Variants in MPDZ observed in about 807,000 individuals in gnomAD.
MPDZ encodes multiple PDZ domain protein.
Under a neutral mutation model 239.1 loss-of-function variants are expected in MPDZ, and 234 were observed. The observed-to-expected ratio is 0.98, with a 90% CI of 0.88 to 1.09. The LOEUF is 1.09. MPDZ is among the 50% of genes least tolerant of loss of function. The pLI, the probability that MPDZ is intolerant of heterozygous loss-of-function variation, is 0.00. For synonymous variants in MPDZ, 1,048 were observed against 881.3 expected, an observed-to-expected ratio of 1.19 and a Z score of -3.35; for missense variants, 3,175 against 2,510.0, an observed-to-expected ratio of 1.26 and a Z score of -5.66.
intron 1 of MPDZ, among the ~76,000 whole-genome samples, chr9:13,258,208 G>A (rs921932215): frequency 2.6e-5 from 4 of 152,206 alleles, no homozygotes; most frequent in African/African-American, 9.6e-5. Context: ...CTTTTACGAA[G>A]TAGAGAATCA....
Position 13,175,821 on chromosome 9 carries a change from T to C in MPDZ, c.2986A>G (p.Met996Val), listed in dbSNP as rs371781743. 5.7e-6 allele frequency: 9 copies of C among 1,589,680 alleles called. No homozygotes were observed. Among genetic ancestry groups the C allele is most frequent in the African/African-American group, 5.4e-5 (4 of 74,616 alleles). The change falls in exon 21 of 47, where the codon ATG (methionine) becomes GTG (valine). Residue 996 changes from methionine to valine, a missense_variant. Physicochemically the swap from Met to Val is conservative, Grantham distance 21 (BLOSUM62 1). Coordinates refer to ENST00000319217, the MANE Select transcript of MPDZ (RefSeq NM_001378778.1). ...GATTCTTTAGATACATTTTGAAGCA[T>C]GACACACTCAGCATTACAGGCCAGG... ...SSLACNAECV[M>V]LQNVSKESFE...
intron 10 of MPDZ, among the ~76,000 whole-genome samples, chr9:13,210,236 G>A (rs1271528393): frequency 6.6e-6 from 1 of 152,080 alleles, no homozygotes; most frequent in African/African-American, 2.4e-5. Flanking sequence ...TATACTTAGT[G>A]TGATGTATGA....
rs1480964623 is a variant in MPDZ, at chr9:13,140,141, A to T, written c.3849T>A (p.Ser1283Arg). ...SLQINADKAP[S>R]QSESEPEKAP... is the part of the protein sequence containing the mutation. ...CCTTCTCTGGCTCTGACTCTGACTG[A>T]CTGGGTGCCTGTGGGAACAAAAAGA... The change falls in exon 28 of 47, where the codon AGT (serine) becomes AGA (arginine). Residue 1283 changes from serine (S) to arginine (R), a missense_variant. By Grantham distance (110) the Ser-to-Arg change is moderately radical. Coordinates refer to ENST00000319217, the MANE Select transcript of MPDZ (RefSeq NM_001378778.1). The T allele has an allele frequency of 6.2e-7, 1 of 1,613,074 alleles. No individual in the cohort carries two copies. Among genetic ancestry groups the T allele is most frequent in the East Asian group, 2.2e-5 (1 of 44,708 alleles).
intron 12 of MPDZ, among the ~76,000 whole-genome samples, chr9:13,203,495 ATTTAAAAATCATAAAG>A (rs764663066): frequency 1.4e-4 from 21 of 152,226 alleles, no homozygotes; most frequent in Non-Finnish European, 2.9e-4. Context: ...TCAGGCATAT[ATTTAAAAATCATAAAG>A]TCTAAACCTC....
In MPDZ at chr9:13,150,573, C is replaced by T. The variant is rs753540040; in HGVS notation, c.3568G>A (p.Val1190Ile). 13 of 1,566,626 alleles carry T rather than the reference C, an allele frequency of 8.3e-6. No individual in the cohort carries two copies. The Admixed American group carries it at 2.3e-4, about 28-fold the overall frequency. ...TTGCCAGCTGGACTATCTTCCAGAA[C>T]ATGTTTGATGAAAATGCCCCTCATC... ...EVMRGIFIKH[V>I]LEDSPAGKNG... is the part of the protein sequence containing the mutation. Residue 1190 changes from valine to isoleucine, a missense_variant, in exon 25 of 47, where the codon GTT (valine) becomes ATT (isoleucine). Transcript: ENST00000319217.
intron 1 of MPDZ, among the ~76,000 whole-genome samples, chr9:13,272,969 G>A (rs1457383485): frequency 2.6e-5 from 4 of 152,092 alleles, no homozygotes; most frequent in Non-Finnish European, 5.9e-5. Flanking sequence ...ATTAGGGGGT[G>A]GGGTCTTTGG....
intron 39 of MPDZ, among the ~76,000 whole-genome samples, chr9:13,116,311 T>C (rs910272950): frequency 6.6e-6 from 1 of 152,214 alleles, no homozygotes; most frequent in Non-Finnish European, 1.5e-5. Flanking sequence ...ATGTTTAACC[T>C]TAATAAATCT....
At chr9:13,227,916 A>G (rs1237178979) in intron 3 of MPDZ, among the ~76,000 whole-genome samples, 3 of 152,170 alleles carry the variant, frequency 2.0e-5, no homozygotes, top group Admixed American at 1.3e-4. Flanking sequence ...ATTTATACTC[A>G]TAAGAAAAAG....
chr9:13,251,104 G>C (rs539443321), intron 1 of MPDZ, among the ~76,000 whole-genome samples: 1 of 142,800 alleles, frequency 7.0e-6, no homozygotes, highest in Non-Finnish European at 1.5e-5. Flanking sequence ...ACTCCAGCCT[G>C]GGCCACAGAA....
intron 21 of MPDZ, among the ~76,000 whole-genome samples, chr9:13,170,405 T>G (rs1951641735): frequency 1.3e-5 from 2 of 152,166 alleles, no homozygotes; most frequent in Non-Finnish European, 2.9e-5. Context: ...CTGTTAAGAC[T>G]CATACTAACG....
chr9:13,136,256 G>T, intron 30 of MPDZ, 74 bp from the exon 31 acceptor site: 4 of 916,536 alleles, frequency 4.4e-6, no homozygotes, highest in Non-Finnish European at 6.4e-6. Flanking sequence ...AGAGTCAGAA[G>T]GTTATTAGAG....
rs749709715 is a variant in MPDZ, at chr9:13,219,568, T to C, written c.1077A>G (p.Pro359=). 6.2e-7 allele frequency: 1 copy of C among 1,611,768 alleles called. No individual in the cohort carries two copies. Among genetic ancestry groups the C allele is most frequent in the Non-Finnish European group, 8.5e-7 (1 of 1,178,694 alleles). ...ACTCTTAACTACTTACCCGCAACTC[T>C]GGTGTTGAAGTTGGGGATGAGGAGA... ...ITLSSSPTST[P]ELRVDASTQK... is the part of the protein sequence containing the mutation. Residue 359 remains proline (P), a synonymous_variant, in exon 8 of 47, where the codon CCA becomes CCG. Transcript: ENST00000319217.
intron 14 of MPDZ, 49 bp downstream of exon 14, chr9:13,193,118 C>A: frequency 7.1e-7 from 1 of 1,414,342 alleles, no homozygotes; most frequent in Non-Finnish European, 9.3e-7. Context: ...CTCCTGCAAG[C>A]TTTTCCATGT....
chr9:13,237,302 G>C (rs1038536127), intron 3 of MPDZ, among the ~76,000 whole-genome samples: 1 of 151,316 alleles, frequency 6.6e-6, no homozygotes, highest in Non-Finnish European at 1.5e-5. Flanking sequence ...TGCCTGGCTA[G>C]TGGCACACAC....
Position 13,255,912 on chromosome 9 carries a change from T to C in MPDZ, c.-57-5540A>G, listed in dbSNP as rs568500972. ...TAATGAGAGAGCCTCTTTAAAGCTTTGAAGCCAGACATTGACTTCTCCTAA... is the reference window on the plus strand; with the variant it reads ...TAATGAGAGAGCCTCTTTAAAGCTTCGAAGCCAGACATTGACTTCTCCTAA... On this transcript the variant is annotated intron_variant, in intron 1 of 46. Coordinates refer to ENST00000319217, the MANE Select transcript of MPDZ (RefSeq NM_001378778.1). Among the ~76,000 whole-genome samples the C allele has an allele frequency of 2.6e-5, 4 of 152,336 alleles. No individual in the cohort carries two copies. In the South Asian group the frequency reaches 8.3e-4, roughly 32 times the overall value.
At chr9:13,233,192 T>C (rs181249783) in intron 3 of MPDZ, among the ~76,000 whole-genome samples, 14 of 152,242 alleles carry the variant, frequency 9.2e-5, no homozygotes. Context: ...ATATCACTCT[T>C]AAGTGAACAT....
At chr9:13,108,345 T>A (rs896536432) in intron 46 of MPDZ, among the ~76,000 whole-genome samples, 4 of 152,150 alleles carry the variant, frequency 2.6e-5, no homozygotes, top group African/African-American at 9.6e-5. Context: ...TAAGCTAGAA[T>A]AGGTATTATA....
chr9:13,210,508 G>A (rs868071095), intron 10 of MPDZ, among the ~76,000 whole-genome samples: 5 of 151,750 alleles, frequency 3.3e-5, no homozygotes, highest in Middle Eastern at 3.4e-3. Flanking sequence ...AAAGTCACCT[G>A]CAGAAGAGGC....
At chr9:13,180,470 G>C (rs1953139398) in intron 19 of MPDZ, among the ~76,000 whole-genome samples, 1 of 151,966 alleles carries the variant, frequency 6.6e-6, no homozygotes, top group African/African-American at 2.4e-5. Flanking sequence ...AGGGTGTAGA[G>C]GTGTGAATAA....
Sources: allele counts gnomAD v4.1 joint callset (sites outside exome capture counted in the v4.1 genomes callset), GRCh38; gene constraint gnomAD v4.1.1; transcripts MANE v1.5; gene names NCBI Gene and HGNC (gene_info 2026-07-23, HGNC 2026-07-21).